Variants in PSMD1 observed in about 807,000 individuals in gnomAD.
PSMD1 encodes proteasome 26S subunit, non-ATPase 1.
Under a neutral mutation model 119.0 loss-of-function variants are expected in PSMD1, and 18 were observed. That is an observed-to-expected ratio of 0.15 (90% CI 0.10 to 0.22). PSMD1 has a LOEUF of 0.22. Among genes scored for constraint, PSMD1 ranks in the 10% least tolerant of loss-of-function variants. PSMD1 has a pLI of 1.00. For synonymous variants in PSMD1, 374 were observed against 396.6 expected (o/e 0.94, Z 0.68); for missense variants, 702 against 1,158.5 (o/e 0.61, Z 5.72).
intron 16 of PSMD1, among the ~76,000 whole-genome samples, chr2:231,117,284 C>T (rs1393444447): frequency 6.6e-6 from 1 of 151,878 alleles, no homozygotes; most frequent in Non-Finnish European, 1.5e-5. Flanking sequence ...CAATATACTT[C>T]CACAAAGACT....
intron 16 of PSMD1, among the ~76,000 whole-genome samples, chr2:231,098,738 C>T (rs1245433321): frequency 6.6e-6 from 1 of 152,184 alleles, no homozygotes; most frequent in Non-Finnish European, 1.5e-5. Flanking sequence ...CCCAAGTATA[C>T]AACTGAGGTC....
At chr2:231,127,276 A>AC (rs1208194626) in intron 16 of PSMD1, among the ~76,000 whole-genome samples, 3 of 148,868 alleles carry the variant, frequency 2.0e-5, no homozygotes, top group Admixed American at 1.3e-4. Context: ...AACAACAACA[A>AC]AAAAAAAAAA....
intron 16 of PSMD1, among the ~76,000 whole-genome samples, chr2:231,101,237 C>T (rs565897950): frequency 4.4e-4 from 67 of 152,272 alleles, no homozygotes; most frequent in African/African-American, 1.6e-3. Context: ...CAGGAATAAA[C>T]AAATTTATCT....
chr2:231,095,012 A>G (rs1420261174), intron 16 of PSMD1, among the ~76,000 whole-genome samples: 1 of 152,248 alleles, frequency 6.6e-6, no homozygotes. Flanking sequence ...AATCCATTCC[A>G]GGAAGCGTAG....
chr2:231,113,256 A>C (rs1335736261), intron 16 of PSMD1, among the ~76,000 whole-genome samples: 1 of 152,228 alleles, frequency 6.6e-6, no homozygotes, highest in Non-Finnish European at 1.5e-5. Flanking sequence ...TTGGCTTCCA[A>C]GATGAATTTG....
At chr2:231,111,188 T>C (rs1478722903) in intron 16 of PSMD1, among the ~76,000 whole-genome samples, 1 of 152,206 alleles carries the variant, frequency 6.6e-6, no homozygotes, top group Non-Finnish European at 1.5e-5. Context: ...TCTTGAACTC[T>C]TTGACTCTAA....
intron 16 of PSMD1, among the ~76,000 whole-genome samples, 172 bp from the exon 17 acceptor site, chr2:231,138,564 A>T (rs1265442964): frequency 6.6e-6 from 1 of 152,216 alleles, no homozygotes; most frequent in African/African-American, 2.4e-5. Flanking sequence ...TGAAGATCAG[A>T]TTTCTTCTAT....
At position 231,118,922 on chromosome 2, in the gene PSMD1, A is replaced by G. The variant is rs551922347; in HGVS notation, c.1884-19814A>G. Among the ~76,000 whole-genome samples the G allele has an allele frequency of 7.9e-4, 121 of 152,308 alleles. 2 individuals are homozygous for G. Among genetic ancestry groups the G allele is most frequent in the African/African-American group, 2.7e-3 (114 of 41,562 alleles). On this transcript the variant is annotated intron_variant, in intron 16 of 24. Coordinates refer to ENST00000308696, the MANE Select transcript of PSMD1 (RefSeq NM_002807.4). ...ACTTCTTATGTCCAAAAAGAACATA[A>G]TTTTCAAATATACATTTATCTCAGA...
At chr2:231,137,877 C>T (rs1459337411) in intron 16 of PSMD1, among the ~76,000 whole-genome samples, 1 of 152,168 alleles carries the variant, frequency 6.6e-6, no homozygotes, top group African/African-American at 2.4e-5. Flanking sequence ...TTTCATTCTT[C>T]ATGGCTGCAA....
chr2:231,168,292 G>T (rs747826528), intron 23 of PSMD1, among the ~76,000 whole-genome samples: 1 of 152,168 alleles, frequency 6.6e-6, no homozygotes, highest in Non-Finnish European at 1.5e-5. Context: ...CTTATCATAT[G>T]ACCCGGCAAT....
At chr2:231,157,494 G>A (rs1400744508) in intron 19 of PSMD1, among the ~76,000 whole-genome samples, 17 of 141,608 alleles carry the variant, frequency 1.2e-4, no homozygotes, top group Admixed American at 1.0e-3. Context: ...TGTTTGTCTC[G>A]TGGACCAATC....
At chr2:231,153,118 G>C (rs113569446) in intron 18 of PSMD1, among the ~76,000 whole-genome samples, 2 of 152,168 alleles carry the variant, frequency 1.3e-5, no homozygotes, top group Non-Finnish European at 2.9e-5. Context: ...TCATGCAAAA[G>C]ATACCTCACA....
chr2:231,083,249 T>C (rs1323057947), intron 13 of PSMD1, among the ~76,000 whole-genome samples: 1 of 152,244 alleles, frequency 6.6e-6, no homozygotes, highest in African/African-American at 2.4e-5. Flanking sequence ...ATTAGGGTGA[T>C]CTGCTTACTC....
At chr2:231,092,136 G>A (rs1027474041) in intron 16 of PSMD1, among the ~76,000 whole-genome samples, 2 of 152,328 alleles carry the variant, frequency 1.3e-5, no homozygotes, top group Non-Finnish European at 2.9e-5. Context: ...TTTTATAAGT[G>A]TGCCTATGAA....
At chr2:231,084,862 C>T (rs1376799648) in intron 14 of PSMD1, among the ~76,000 whole-genome samples, 157 bp from the exon 15 acceptor site, 1 of 152,052 alleles carries the variant, frequency 6.6e-6, no homozygotes, top group African/African-American at 2.4e-5. Flanking sequence ...TTTTATTGCC[C>T]CATTTATTTC....
intron 14 of PSMD1, among the ~76,000 whole-genome samples, chr2:231,084,698 T>C (rs1694389652): frequency 6.6e-6 from 1 of 152,218 alleles, no homozygotes; most frequent in Non-Finnish European, 1.5e-5. Context: ...AGAAGCCAAC[T>C]TCCTTGCTTG....
chr2:231,070,225 A>G (rs894828939), intron 6 of PSMD1, 57 bp downstream of exon 6: 2 of 1,250,364 alleles, frequency 1.6e-6, no homozygotes, highest in East Asian at 2.8e-5. Flanking sequence ...GTGCTATGCT[A>G]TACCACTTCA....
chr2:231,104,702 A>G (rs1269395169), intron 16 of PSMD1, among the ~76,000 whole-genome samples: 1 of 152,192 alleles, frequency 6.6e-6, no homozygotes. Context: ...CTGAGATTCT[A>G]AACAGGCTTC....
At chr2:231,065,078 G>T (rs544527366) in intron 4 of PSMD1, among the ~76,000 whole-genome samples, 1 of 147,542 alleles carries the variant, frequency 6.8e-6, no homozygotes, top group East Asian at 2.0e-4. Flanking sequence ...CATTTAACCC[G>T]GGTCATCTAG....
Sources: allele counts gnomAD v4.1 joint callset (sites outside exome capture counted in the v4.1 genomes callset), GRCh38; gene constraint gnomAD v4.1.1; transcripts MANE v1.5; gene names NCBI Gene and HGNC (gene_info 2026-07-23, HGNC 2026-07-21).